Variants in ANKS1B observed in about 807,000 individuals in gnomAD.
The protein encoded by ANKS1B is ankyrin repeat and sterile alpha motif domain-containing protein 1B.
ANKS1B carries 36 observed loss-of-function variants against 148.3 expected under a neutral mutation model. The observed-to-expected ratio is 0.24, with a 90% confidence interval of 0.19 to 0.32. The LOEUF (loss-of-function observed/expected upper bound fraction) is 0.32, where lower values mean the gene tolerates loss of function less well. ANKS1B is among the 10% of genes least tolerant of loss of function. The pLI is 1.00. For missense variants in ANKS1B, 1,157 were observed against 1,542.6 expected, an observed-to-expected ratio of 0.75 and a Z score of 4.19; for synonymous variants, 542 against 560.8, an observed-to-expected ratio of 0.97 and a Z score of 0.47.
chr12:98,856,040 T>C (rs2099569603), intron 17 of ANKS1B, among the ~76,000 whole-genome samples: 1 of 152,254 alleles, frequency 6.6e-6, no homozygotes, highest in Non-Finnish European at 1.5e-5. Context: ...TTCTGGTCCT[T>C]GATTTTCTTA....
chr12:98,974,513 G>A (rs2099888783), intron 17 of ANKS1B, among the ~76,000 whole-genome samples: 1 of 152,100 alleles, frequency 6.6e-6, no homozygotes, highest in African/African-American at 2.4e-5. Flanking sequence ...ACCTAGTGTA[G>A]AAACTTCTGG....
chr12:98,941,090 G>A (rs1005492086), intron 17 of ANKS1B, among the ~76,000 whole-genome samples: 4 of 152,136 alleles, frequency 2.6e-5, no homozygotes, highest in African/African-American at 9.7e-5. Context: ...GCTCCTGCAA[G>A]CCTCTGGTCA....
At chr12:99,167,107 C>T (rs182798024) in intron 14 of ANKS1B, among the ~76,000 whole-genome samples, 5 of 151,942 alleles carry the variant, frequency 3.3e-5, no homozygotes, top group African/African-American at 1.2e-4. Flanking sequence ...TAAAAATTAT[C>T]TCAAACTGTA....
intron 17 of ANKS1B, among the ~76,000 whole-genome samples, chr12:98,930,739 G>A (rs2099812963): frequency 1.3e-5 from 2 of 152,020 alleles, no homozygotes; most frequent in Admixed American, 1.3e-4. Context: ...GGGGAAAGTG[G>A]GGGCGGGGTA....
intron 9 of ANKS1B, among the ~76,000 whole-genome samples, chr12:99,549,855 G>A (rs546928049): frequency 6.6e-6 from 1 of 152,284 alleles, no homozygotes; most frequent in East Asian, 1.9e-4. Context: ...AAAACATCCT[G>A]CTGGATAAGT....
At chr12:99,195,614 C>G (rs542643664) in intron 14 of ANKS1B, among the ~76,000 whole-genome samples, 1 of 152,128 alleles carries the variant, frequency 6.6e-6, no homozygotes, top group Non-Finnish European at 1.5e-5. Flanking sequence ...ATAGCAAAAG[C>G]TTGTAGGAGT....
intron 14 of ANKS1B, among the ~76,000 whole-genome samples, chr12:99,200,306 A>G (rs184312113): frequency 6.6e-6 from 1 of 152,308 alleles, no homozygotes; most frequent in Admixed American, 6.5e-5. Flanking sequence ...TGAATCTATA[A>G]ATACCTAGCC....
exon 10 of ANKS1B, chr12:98,735,066 A>C (rs1039051134): frequency 1.0e-5 from 4 of 396,248 alleles, no homozygotes; most frequent in African/African-American, 6.2e-5. Flanking sequence ...TGGGTGACAT[A>C]GCAAGACCCT....
intron 9 of ANKS1B, among the ~76,000 whole-genome samples, chr12:99,620,035 C>G (rs143735507): frequency 5.3e-4 from 81 of 152,286 alleles, no homozygotes; most frequent in African/African-American, 1.7e-3. Flanking sequence ...ACGGTGGCCT[C>G]AGCTGGCTGT....
intron 12 of ANKS1B, among the ~76,000 whole-genome samples, chr12:99,247,970 T>C (rs1296679490): frequency 2.0e-5 from 3 of 152,208 alleles, no homozygotes; most frequent in Non-Finnish European, 4.4e-5. Flanking sequence ...ATTATTACCA[T>C]AAACCCCAAA....
At chr12:98,938,848 G>T (rs1375847420) in intron 17 of ANKS1B, among the ~76,000 whole-genome samples, 1 of 152,214 alleles carries the variant, frequency 6.6e-6, no homozygotes. Context: ...AACTATGGGG[G>T]TTGGGCAACG....
chr12:99,934,071 A>C (rs1253721035), intron 1 of ANKS1B, among the ~76,000 whole-genome samples: 1 of 152,150 alleles, frequency 6.6e-6, no homozygotes, highest in African/African-American at 2.4e-5. Flanking sequence ...GATGTATCAC[A>C]GTGATTGATC....
chr12:99,241,390 A>G (rs2089289924), intron 14 of ANKS1B, among the ~76,000 whole-genome samples: 1 of 152,238 alleles, frequency 6.6e-6, no homozygotes. Flanking sequence ...AGGTTCTGAA[A>G]TTGAGGCAAT....
chr12:99,727,854 A>T (rs2058763192), intron 8 of ANKS1B, among the ~76,000 whole-genome samples: 1 of 152,208 alleles, frequency 6.6e-6, no homozygotes, highest in Non-Finnish European at 1.5e-5. Flanking sequence ...CAACCATCTG[A>T]TCTTTGACAA....
At chr12:99,635,366 CAAAT>C (rs2098222873) in intron 9 of ANKS1B, among the ~76,000 whole-genome samples, 1 of 152,036 alleles carries the variant, frequency 6.6e-6, no homozygotes, top group East Asian at 1.9e-4. Context: ...TGTTCACTGA[CAAAT>C]GAATGGATCA....
At chr12:99,778,089 A>C (rs577798501) in intron 6 of ANKS1B, among the ~76,000 whole-genome samples, 9 of 151,864 alleles carry the variant, frequency 5.9e-5, no homozygotes, top group Admixed American at 2.6e-4. Context: ...AGTCCCAGCT[A>C]CTCGGGAGGC....
intron 17 of ANKS1B, among the ~76,000 whole-genome samples, chr12:98,935,386 T>G (rs1056859310): frequency 6.6e-6 from 1 of 152,194 alleles, no homozygotes; most frequent in Non-Finnish European, 1.5e-5. Context: ...AGTATTTTGT[T>G]GAAGATTTCT....
intron 9 of ANKS1B, among the ~76,000 whole-genome samples, chr12:99,632,697 T>C (rs1474368100): frequency 2.2e-5 from 3 of 138,870 alleles, no homozygotes; most frequent in Non-Finnish European, 4.7e-5. Context: ...CTGTTACTCC[T>C]TTCTTTTGGC....
At chr12:99,012,874 A>T (rs1277383677) in intron 17 of ANKS1B, among the ~76,000 whole-genome samples, 1 of 152,212 alleles carries the variant, frequency 6.6e-6, no homozygotes, top group Non-Finnish European at 1.5e-5. Context: ...GATTATGAAG[A>T]TCCTGTCTAC....
Sources: gnomAD v4.1 joint callset for allele counts (sites outside exome capture counted in the v4.1 genomes callset) on GRCh38, gnomAD v4.1.1 for gene constraint, MANE v1.5 for transcripts, NCBI Gene and HGNC (gene_info 2026-07-23, HGNC 2026-07-21) for gene names.